FAM174B: variants seen among roughly 807,000 people sequenced by gnomAD.
The protein encoded by FAM174B is family with sequence similarity 174 member B.
Under a neutral mutation model 10.9 loss-of-function variants are expected in FAM174B, and 12 were observed. The ratio of observed to expected loss-of-function variants is 1.10; its 90% CI spans 0.71 to 1.79. FAM174B has a LOEUF of 1.79. FAM174B is among the 40% of genes most tolerant of loss of function. The pLI, the probability that FAM174B is intolerant of heterozygous loss-of-function variation, is 0.00. For synonymous variants in FAM174B, 132 were observed against 115.8 expected (o/e 1.14, Z -0.90); for missense variants, 266 against 233.3 (o/e 1.14, Z -0.91).
At chr15:92,643,847 T>G (rs558159324) in intron 1 of FAM174B, among the ~76,000 whole-genome samples, 6 of 152,284 alleles carry the variant, frequency 3.9e-5, no homozygotes, top group African/African-American at 1.4e-4. Context: ...ACCATATTAC[T>G]TGTCAATGAA....
At chr15:92,621,147 T>C (rs1016849573) in intron 2 of FAM174B, among the ~76,000 whole-genome samples, 10 of 152,194 alleles carry the variant, frequency 6.6e-5, no homozygotes, top group Non-Finnish European at 1.5e-4. Context: ...TCTAATGGTT[T>C]AGTAAAAACC....
At chr15:92,632,733 G>A (rs1457427203) in intron 1 of FAM174B, among the ~76,000 whole-genome samples, 2 of 151,822 alleles carry the variant, frequency 1.3e-5, no homozygotes, top group Non-Finnish European at 2.9e-5. Flanking sequence ...TGTTGCCCAG[G>A]CTGGTCTCGA....
intron 1 of FAM174B, among the ~76,000 whole-genome samples, chr15:92,637,603 T>C (rs556616424): frequency 6.6e-6 from 1 of 152,316 alleles, no homozygotes; most frequent in South Asian, 2.1e-4. Flanking sequence ...TCCTATATCC[T>C]CAAGCCTGTT....
intron 2 of FAM174B, among the ~76,000 whole-genome samples, chr15:92,624,419 G>A (rs1434914729): frequency 6.6e-6 from 1 of 152,228 alleles, no homozygotes; most frequent in Non-Finnish European, 1.5e-5. Context: ...GAGGTCCTCA[G>A]TAAGTAGAAG....
chr15:92,630,405 C>T (rs2050784759), intron 1 of FAM174B, 60 bp from the exon 2 acceptor site: 3 of 1,530,972 alleles, frequency 2.0e-6, no homozygotes, highest in East Asian at 4.8e-5. Context: ...TCACTGGGCC[C>T]CAAGCCCCAG....
intron 1 of FAM174B, among the ~76,000 whole-genome samples, chr15:92,650,994 T>TA (rs563566565): frequency 1.3e-3 from 205 of 152,316 alleles, no homozygotes; most frequent in African/African-American, 4.5e-3. Context: ...GAAATACATT[T>TA]AAAAAGGTGG....
At chr15:92,633,480 A>C (rs1161536592) in intron 1 of FAM174B, among the ~76,000 whole-genome samples, 1 of 152,182 alleles carries the variant, frequency 6.6e-6, no homozygotes, top group Non-Finnish European at 1.5e-5. Flanking sequence ...AAGAGGGGGA[A>C]CAATCAGCTG....
At chr15:92,630,694 T>C (rs2050787338) in intron 1 of FAM174B, among the ~76,000 whole-genome samples, 1 of 142,304 alleles carries the variant, frequency 7.0e-6, no homozygotes, top group African/African-American at 2.7e-5. Flanking sequence ...ATATATTTTA[T>C]ATATATATTA....
chr15:92,654,585 C>T (rs1303840896), intron 1 of FAM174B, among the ~76,000 whole-genome samples: 2 of 152,090 alleles, frequency 1.3e-5, no homozygotes, highest in Non-Finnish European at 2.9e-5. Context: ...CCTCATGCCC[C>T]TGTGAATGTT....
At chr15:92,635,429 C>T (rs1005814976) in intron 1 of FAM174B, among the ~76,000 whole-genome samples, 42 of 152,022 alleles carry the variant, frequency 2.8e-4, no homozygotes, top group Non-Finnish European at 5.4e-4. Flanking sequence ...TTAAAGACAT[C>T]GAGACACGTT....
chr15:92,636,414 C>A (rs1363935578), intron 1 of FAM174B, among the ~76,000 whole-genome samples: 1 of 152,210 alleles, frequency 6.6e-6, no homozygotes, highest in Non-Finnish European at 1.5e-5. Flanking sequence ...AAGCACGCTT[C>A]AAGGCATGTG....
intron 1 of FAM174B, among the ~76,000 whole-genome samples, chr15:92,648,759 G>A (rs2050945518): frequency 6.6e-6 from 1 of 152,160 alleles, no homozygotes; most frequent in Non-Finnish European, 1.5e-5. Context: ...ACTTTGCCAT[G>A]GTCCCTCCTC....
intron 1 of FAM174B, among the ~76,000 whole-genome samples, chr15:92,631,802 G>A (rs1194434915): frequency 6.9e-6 from 1 of 144,754 alleles, no homozygotes; most frequent in Non-Finnish European, 1.5e-5. Context: ...GGCCACAAAC[G>A]CAATATTTTA....
intron 1 of FAM174B, among the ~76,000 whole-genome samples, chr15:92,649,640 T>A (rs2050951584): frequency 6.6e-6 from 1 of 152,074 alleles, no homozygotes; most frequent in African/African-American, 2.4e-5. Flanking sequence ...CCCAGAAAGG[T>A]TCAATAAACT....
At chr15:92,632,992 T>C (rs2050829504) in intron 1 of FAM174B, among the ~76,000 whole-genome samples, 1 of 152,136 alleles carries the variant, frequency 6.6e-6, no homozygotes, top group South Asian at 2.1e-4. Flanking sequence ...ACACTATTAG[T>C]GTGATGACTG....
At position 92,617,864 on chromosome 15, in the gene FAM174B, G is replaced by A. The variant is rs963530227; in HGVS notation, c.*1592C>T. On this transcript the variant is annotated 3_prime_UTR_variant, in exon 3 of 3. Transcript: ENST00000327355. ...GAAATGCAGGGAGCAGAGACTACAC[G>A]CAGGCCCCCCGTGGCTGGCAATACC... 12 of 462,452 alleles carry A rather than the reference G, an allele frequency of 2.6e-5. No individual in the cohort carries two copies. The highest frequency in any genetic ancestry group is 1.4e-4 in the African/African-American group (7 of 49,150). 28.6% of individuals were successfully genotyped at this position (462,452 alleles called of 1,614,324 possible). A position where few individuals can be genotyped will look rare whatever the true frequency, so the allele number is the denominator to read the frequency against.
At position 92,626,413 on chromosome 15, in the gene FAM174B, T is replaced by TA. The variant is rs1567043111; in HGVS notation, c.476+3800_476+3801insT. Among the ~76,000 whole-genome samples, 7 of 152,142 alleles carry TA rather than the reference T, an allele frequency of 4.6e-5. No individual in the cohort carries two copies. In the East Asian group the frequency reaches 1.3e-3, roughly 29 times the overall value. ...CACCCAGCCAGTTGCTGGATTTTTT[T>TA]TAAAAAAATCAGTATCTTTTAAAAA... On this transcript the variant is annotated intron_variant, in intron 2 of 2. Coordinates refer to ENST00000327355, the MANE Select transcript of FAM174B (RefSeq NM_207446.3).
chr15:92,632,115 A>G (rs1424665654), intron 1 of FAM174B, among the ~76,000 whole-genome samples: 1 of 152,224 alleles, frequency 6.6e-6, no homozygotes, highest in African/African-American at 2.4e-5. Flanking sequence ...GGAATTAAAT[A>G]CGCTACATCA....
intron 1 of FAM174B, among the ~76,000 whole-genome samples, chr15:92,633,892 G>A (rs190677642): frequency 4.6e-5 from 7 of 152,176 alleles, no homozygotes; most frequent in East Asian, 1.9e-4. Flanking sequence ...ACACTGGCAG[G>A]GGGAAATTTA....
Sources: allele counts gnomAD v4.1 joint callset (sites outside exome capture counted in the v4.1 genomes callset), GRCh38; gene constraint gnomAD v4.1.1; transcripts MANE v1.5; gene names NCBI Gene and HGNC (gene_info 2026-07-23, HGNC 2026-07-21).